RABGAP1L: variants seen among roughly 807,000 people sequenced by gnomAD.
RABGAP1L encodes the protein RAB GTPase activating protein 1 like, also known as rab GTPase-activating protein 1-like.
RABGAP1L carries 63 observed loss-of-function variants against 137.7 expected under a neutral mutation model. That is an observed-to-expected ratio of 0.46 (90% CI 0.37 to 0.56). The LOEUF (loss-of-function observed/expected upper bound fraction) is 0.56. RABGAP1L is among the 20% of genes least tolerant of loss of function. The pLI is 0.00. For synonymous variants in RABGAP1L, 431 were observed against 433.7 expected (o/e 0.99, Z 0.08); for missense variants, 1,095 against 1,244.0 (o/e 0.88, Z 1.80).
chr1:174,284,800 CT>C (rs1234792457), intron 10 of RABGAP1L, among the ~76,000 whole-genome samples: 4 of 111,860 alleles, frequency 3.6e-5, no homozygotes, highest in African/African-American at 7.3e-5. Context: ...TGGTCTCCAG[CT>C]TTTTTTTCCC....
At chr1:174,698,787 T>C (rs1679440338) in intron 15 of RABGAP1L, among the ~76,000 whole-genome samples, 1 of 152,092 alleles carries the variant, frequency 6.6e-6, no homozygotes, top group African/African-American at 2.4e-5. Flanking sequence ...TTATCTTTTA[T>C]GTGGGATGGG....
chr1:174,265,579 C>G (rs971122618), intron 7 of RABGAP1L, among the ~76,000 whole-genome samples: 12 of 148,214 alleles, frequency 8.1e-5, no homozygotes, highest in African/African-American at 3.0e-4. Context: ...AAGGAAAGCA[C>G]TCATATTTGA....
intron 13 of RABGAP1L, among the ~76,000 whole-genome samples, chr1:174,550,665 G>A (rs1164383305): frequency 6.6e-6 from 1 of 151,446 alleles, no homozygotes; most frequent in Non-Finnish European, 1.5e-5. Flanking sequence ...TAGAAAGTCA[G>A]CAAGGATATA....
intron 11 of RABGAP1L, among the ~76,000 whole-genome samples, chr1:174,363,299 G>GT (rs1192909455): frequency 2.0e-5 from 3 of 152,106 alleles, no homozygotes; most frequent in African/African-American, 4.8e-5. Flanking sequence ...TTTTAAAATA[G>GT]TTTTTTTGTA....
At chr1:174,641,819 C>T (rs1674550948) in intron 14 of RABGAP1L, among the ~76,000 whole-genome samples, 1 of 152,038 alleles carries the variant, frequency 6.6e-6, no homozygotes, top group South Asian at 2.1e-4. Flanking sequence ...CAGTGTTGTT[C>T]AAATTTTTTT....
intron 13 of RABGAP1L, among the ~76,000 whole-genome samples, chr1:174,604,169 G>A (rs1670613033): frequency 6.6e-6 from 1 of 152,132 alleles, no homozygotes; most frequent in Non-Finnish European, 1.5e-5. Context: ...TGTTTATTTA[G>A]GACCCCAAAG....
In RABGAP1L at chr1:174,738,081, A is replaced by G. The variant is rs576102814; in HGVS notation, c.2170-14232A>G. Among the ~76,000 whole-genome samples the G allele has an allele frequency of 2.6e-5, 4 of 152,266 alleles. No individual in the cohort carries two copies. In the East Asian group the frequency reaches 7.7e-4, roughly 29 times the overall value. On this transcript the variant is annotated intron_variant, in intron 17 of 25. Transcript: ENST00000681986. The stretch of plus-strand genomic sequence containing the variant: ...AATCCCCACCATGTTTGGTGGCATC[A>G]TGGGCTGACATTAATACATCTCTTT...
At chr1:174,589,339 A>G (rs1051941580) in intron 13 of RABGAP1L, among the ~76,000 whole-genome samples, 1 of 151,992 alleles carries the variant, frequency 6.6e-6, no homozygotes, top group African/African-American at 2.4e-5. Flanking sequence ...CTCCTTATAT[A>G]TTCCGGTTGT....
chr1:174,270,646 T>C (rs1674481528), intron 7 of RABGAP1L, among the ~76,000 whole-genome samples: 1 of 152,006 alleles, frequency 6.6e-6, no homozygotes, highest in Non-Finnish European at 1.5e-5. Context: ...AAAAAAATCC[T>C]TTAAATTTTC....
chr1:174,194,117 G>T (rs1029739063), intron 1 of RABGAP1L, among the ~76,000 whole-genome samples: 1 of 152,044 alleles, frequency 6.6e-6, no homozygotes, highest in Non-Finnish European at 1.5e-5. Flanking sequence ...CTTGGCTTTG[G>T]TACCTCTTTA....
At chr1:174,538,944 A>G (rs1291493475) in intron 13 of RABGAP1L, among the ~76,000 whole-genome samples, 2 of 152,186 alleles carry the variant, frequency 1.3e-5, no homozygotes, top group African/African-American at 4.8e-5. Context: ...AGAAAAACAT[A>G]TTAGTGTAGT....
At chr1:174,873,530 C>T (rs1435702453) in intron 19 of RABGAP1L, among the ~76,000 whole-genome samples, 14 of 134,256 alleles carry the variant, frequency 1.0e-4, no homozygotes, top group East Asian at 2.2e-4. Flanking sequence ...TTTTTTTTTC[C>T]GAGATGGAAT....
chr1:174,553,063 C>T (rs1346310497), intron 13 of RABGAP1L, among the ~76,000 whole-genome samples: 1 of 152,052 alleles, frequency 6.6e-6, no homozygotes, highest in Non-Finnish European at 1.5e-5. Flanking sequence ...TCTTTGCCCA[C>T]TTTTTAATGA....
At chr1:174,516,413 CT>C (rs1388539421) in intron 13 of RABGAP1L, among the ~76,000 whole-genome samples, 3 of 152,084 alleles carry the variant, frequency 2.0e-5, no homozygotes, top group African/African-American at 7.2e-5. Flanking sequence ...AGATGGGGGT[CT>C]TCCTATGTTG....
chr1:174,854,714 G>GCTTTT (rs1648963105), intron 19 of RABGAP1L, among the ~76,000 whole-genome samples: 2 of 58,572 alleles, frequency 3.4e-5, no homozygotes, highest in Non-Finnish European at 6.8e-5. Flanking sequence ...CAATATAAAT[G>GCTTTT]CTTTTTTTTT....
At chr1:174,957,769 G>A in intron 20 of RABGAP1L, 1 of 793,622 alleles carries the variant, frequency 1.3e-6, no homozygotes, top group Non-Finnish European at 2.1e-6. Flanking sequence ...GTTGTGGCAA[G>A]TTCAATTCCC....
chr1:174,779,818 T>C (rs986823462), intron 18 of RABGAP1L, among the ~76,000 whole-genome samples: 1 of 152,072 alleles, frequency 6.6e-6, no homozygotes, highest in African/African-American at 2.4e-5. Flanking sequence ...CAAATTTAGT[T>C]TTTATTTAAA....
chr1:174,702,534 GT>G (rs1679737008), intron 17 of RABGAP1L, among the ~76,000 whole-genome samples: 1 of 152,092 alleles, frequency 6.6e-6, no homozygotes, highest in African/African-American at 2.4e-5. Context: ...GTATAATAAT[GT>G]TTTACCAGTA....
intron 18 of RABGAP1L, among the ~76,000 whole-genome samples, chr1:174,800,844 C>T (rs1446787694): frequency 6.6e-6 from 1 of 152,156 alleles, no homozygotes; most frequent in Non-Finnish European, 1.5e-5. Flanking sequence ...ATGTATATCT[C>T]CAAAGGGTTA....
Sources: allele counts gnomAD v4.1 joint callset (sites outside exome capture counted in the v4.1 genomes callset), GRCh38; gene constraint gnomAD v4.1.1; transcripts MANE v1.5; gene names NCBI Gene and HGNC (gene_info 2026-07-23, HGNC 2026-07-21).